CEP83: variants seen among roughly 807,000 people sequenced by gnomAD.
CEP83 encodes the protein centrosomal protein 83, also known as centrosomal protein of 83 kDa.
CEP83 carries 70 observed loss-of-function variants against 101.9 expected under a neutral mutation model. That is an observed-to-expected ratio of 0.69 (90% CI 0.57 to 0.84). The LOEUF (loss-of-function observed/expected upper bound fraction) is 0.84. Ranked by LOEUF, CEP83 falls within the 40% of genes least tolerant of loss-of-function variation. The probability of loss-of-function intolerance (pLI) is 0.00; values close to 1 mark genes in which losing one functional copy is unlikely to be tolerated. For missense variants in CEP83, 715 were observed against 787.2 expected, an observed-to-expected ratio of 0.91 and a Z score of 1.10; for synonymous variants, 264 against 267.9, an observed-to-expected ratio of 0.99 and a Z score of 0.14.
chr12:94,312,554 C>A, intron 15 of CEP83: 1 of 985,254 alleles, frequency 1.0e-6, no homozygotes, highest in African/African-American at 1.7e-5. Flanking sequence ...ATCTCCACAC[C>A]AGGAAACCAA....
chr12:94,304,009 C>G (rs770656264), downstream of CEP83: 1 of 1,592,476 alleles, frequency 6.3e-7, no homozygotes, highest in South Asian at 1.1e-5. Context: ...AAGAAGTGGC[C>G]TTGACAGAAA....
intron 11 of CEP83, among the ~76,000 whole-genome samples, chr12:94,348,107 CAA>C (rs200270946): frequency 6.7e-6 from 1 of 149,140 alleles, no homozygotes; most frequent in African/African-American, 2.5e-5. Flanking sequence ...TATTTTACCA[CAA>C]AAAAAATATA....
chr12:94,282,416 T>G, the CEP83 span: 13 of 1,522,116 alleles, frequency 8.5e-6, no homozygotes, highest in South Asian at 1.5e-4. Flanking sequence ...GAGCAAGACT[T>G]GACCCCGTGT....
At chr12:94,301,083 G>A in the CEP83 span, 2 of 1,609,342 alleles carry the variant, frequency 1.2e-6, no homozygotes, top group Non-Finnish European at 8.5e-7. Context: ...AGTATTTCTT[G>A]TATGCAGTCT....
At chr12:94,352,084 G>A (rs973547567) in intron 11 of CEP83, among the ~76,000 whole-genome samples, 1 of 152,158 alleles carries the variant, frequency 6.6e-6, no homozygotes, top group Admixed American at 6.5e-5. Context: ...AATAGAAAGA[G>A]ACAACTATTC....
rs117757030 is a variant in CEP83 at position 94,338,498 on chromosome 12, A to G, written c.1344-2834T>C. ...TCTTGTTGCAGGAGAGAGGAAGGAA[A>G]AGTAATTTCTACTTAAAAGGCATTC... On this transcript the variant is annotated intron_variant, in intron 11 of 16. Coordinates refer to ENST00000397809, the MANE Select transcript of CEP83 (RefSeq NM_016122.3). 1.2e-3 allele frequency among the ~76,000 whole-genome samples: 180 copies of G among 152,320 alleles called. 7 individuals carry two copies. The East Asian group carries it at 0.033, about 28-fold the overall frequency.
At chr12:94,355,689 A>G (rs1262862449) in intron 11 of CEP83, among the ~76,000 whole-genome samples, 1 of 152,192 alleles carries the variant, frequency 6.6e-6, no homozygotes. Context: ...CATAATGTCC[A>G]AGCTGGAAGG....
rs2138410246 is a variant in CEP83, at chr12:94,442,920, C to T, written c.-154-7593G>A. ...CCCCATTTCTAGAGCCATCACACTC[C>T]AGTGCCGAATCTTAAATATTTTACA... On this transcript the variant is annotated intron_variant, in intron 1 of 16. Coordinates refer to ENST00000397809, the MANE Select transcript of CEP83 (RefSeq NM_016122.3). Among the ~76,000 whole-genome samples, 4 of 152,290 alleles carry T rather than the reference C, an allele frequency of 2.6e-5. 1 individual carries two copies. The Middle Eastern group carries it at 0.014, about 518-fold the overall frequency.
intron 6 of CEP83, among the ~76,000 whole-genome samples, chr12:94,394,104 C>A (rs2062735850): frequency 6.6e-6 from 1 of 152,156 alleles, no homozygotes; most frequent in Admixed American, 6.5e-5. Flanking sequence ...ACTTTCTTCA[C>A]AGAATTGGAA....
intron 6 of CEP83, among the ~76,000 whole-genome samples, chr12:94,381,750 G>A (rs763420057): frequency 3.1e-4 from 47 of 152,018 alleles, no homozygotes; most frequent in African/African-American, 8.2e-4. Flanking sequence ...TAAGTCTGTC[G>A]TCATTATCTG....
chr12:94,400,499 G>A (rs2063187185), intron 6 of CEP83, among the ~76,000 whole-genome samples: 1 of 152,194 alleles, frequency 6.6e-6, no homozygotes, highest in Admixed American at 6.5e-5. Context: ...GTTCCAAGAA[G>A]CAGAAAGAAC....
chr12:94,440,051 C>T (rs2066286249), intron 1 of CEP83, among the ~76,000 whole-genome samples: 1 of 152,084 alleles, frequency 6.6e-6, no homozygotes, highest in Non-Finnish European at 1.5e-5. Context: ...TAATAAAAGC[C>T]CTCTATGACA....
chr12:94,411,620 AT>A (rs954425881), intron 4 of CEP83, 76 bp downstream of exon 4: 15 of 1,053,284 alleles, frequency 1.4e-5, no homozygotes, highest in Non-Finnish European at 2.0e-5. Flanking sequence ...AAATTGCCAT[AT>A]TCACCAAAAC....
rs959098355 is a variant in CEP83, at chr12:94,378,741, C to T, written c.801+50G>A. 4.4e-6 allele frequency: 7 copies of T among 1,590,382 alleles called. No individual in the cohort carries two copies. In the African/African-American group the frequency reaches 8.1e-5, roughly 18 times the overall value. On this transcript the variant is annotated intron_variant, in intron 7 of 16. Coordinates refer to ENST00000397809, the MANE Select transcript of CEP83 (RefSeq NM_016122.3). ...CTAAAAATCAAAGGCTTGTCAACTG[C>T]ACTTTAAAAAAGTATGCCATACTCT...
At chr12:94,275,229 T>C in the CEP83 span, among the ~76,000 whole-genome samples, 1 of 152,230 alleles carries the variant, frequency 6.6e-6, no homozygotes, top group African/African-American at 2.4e-5. Flanking sequence ...TGCTTTTGTC[T>C]CTGAAATTTA....
chr12:94,364,206 T>C (rs772520819), intron 11 of CEP83, among the ~76,000 whole-genome samples: 18 of 152,144 alleles, frequency 1.2e-4, no homozygotes, highest in Non-Finnish European at 1.8e-4. Flanking sequence ...ACAATATGAA[T>C]GTATTCAATA....
chr12:94,388,390 A>C (rs1216827118), intron 6 of CEP83, among the ~76,000 whole-genome samples: 1 of 152,188 alleles, frequency 6.6e-6, no homozygotes, highest in Non-Finnish European at 1.5e-5. Context: ...CACTGACTAC[A>C]TATGGACATA....
intron 11 of CEP83, among the ~76,000 whole-genome samples, chr12:94,355,215 C>T (rs766593980): frequency 3.3e-5 from 5 of 151,990 alleles, no homozygotes; most frequent in Non-Finnish European, 7.4e-5. Context: ...AAGAACAGGC[C>T]GGGCACAGTG....
intron 14 of CEP83, among the ~76,000 whole-genome samples, chr12:94,323,662 C>G (rs1480341732): frequency 6.6e-6 from 1 of 152,188 alleles, no homozygotes; most frequent in Non-Finnish European, 1.5e-5. Flanking sequence ...GCCATCTTGA[C>G]CAGCCTCCCC....
Sources: gnomAD v4.1 joint callset for allele counts (sites outside exome capture counted in the v4.1 genomes callset) on GRCh38, gnomAD v4.1.1 for gene constraint, MANE v1.5 for transcripts, NCBI Gene and HGNC (gene_info 2026-07-23, HGNC 2026-07-21) for gene names.